The following KPNA7 variants were observed in gnomAD, a reference collection of about 807,000 sequenced individuals.
KPNA7 encodes importin subunit alpha-8.
A neutral mutation model predicts 53.7 loss-of-function variants in KPNA7; 54 were observed. That is an observed-to-expected ratio of 1.01 (90% CI 0.81 to 1.26). The LOEUF (loss-of-function observed/expected upper bound fraction) is 1.26, where lower values mean the gene tolerates loss of function less well. Ranked by LOEUF, KPNA7 falls within the 50% of genes most tolerant of loss-of-function variation. The pLI is 0.00. For missense variants in KPNA7, 640 were observed against 644.5 expected, an observed-to-expected ratio of 0.99 and a Z score of 0.07; for synonymous variants, 276 against 259.3, an observed-to-expected ratio of 1.06 and a Z score of -0.62.
chr7:99,214,473 A>G (rs889860062), intron 1 of KPNA7, among the ~76,000 whole-genome samples: 4 of 147,330 alleles, frequency 2.7e-5, no homozygotes, highest in Non-Finnish European at 6.0e-5. Flanking sequence ...AACAAAAACA[A>G]AAAAACTAGC....
At chr7:99,163,369 A>G in the KPNA7 span, among the ~76,000 whole-genome samples, 3 of 53,324 alleles carry the variant, frequency 5.6e-5, no homozygotes, top group African/African-American at 1.4e-4. Context: ...GTATATATAT[A>G]TATATATATA....
At chr7:99,198,222 C>CAA (rs979659505) in intron 3 of KPNA7, among the ~76,000 whole-genome samples, 1 of 150,816 alleles carries the variant, frequency 6.6e-6, no homozygotes, top group African/African-American at 2.4e-5. Flanking sequence ...AACTCCATCT[C>CAA]AAAAAAAACA....
chr7:99,208,545 C>G (rs989185179), upstream of KPNA7, among the ~76,000 whole-genome samples: 1 of 150,608 alleles, frequency 6.6e-6, no homozygotes, highest in African/African-American at 2.4e-5. Flanking sequence ...CGTGAGCCAC[C>G]GTGCCCGGCC....
intron 3 of KPNA7, among the ~76,000 whole-genome samples, chr7:99,199,069 A>AAAAAG: frequency 8.0e-6 from 1 of 125,762 alleles, no homozygotes; most frequent in Non-Finnish European, 1.8e-5. Context: ...CAAACTGAAA[A>AAAAAG]AAAAAAAAAA....
chr7:99,207,613 C>CTT lies in KPNA7; in HGVS notation c.-23-126_-23-125dup, dbSNP rs754881370. 12 of 123,046 alleles carry CTT rather than the reference C, an allele frequency of 9.8e-5. 1 individual carries two copies. Among genetic ancestry groups the CTT allele is most frequent in the African/African-American group, 4.5e-4 (7 of 15,602 alleles). The allele number at this position is 123,046 out of a possible 1,614,324, so 7.6% of individuals were successfully genotyped here. ...GCAAAGGGCAGACCCAGGAAGCTAG[C>CTT]TTTTTTTTTTTTTTTTTTTTTTTTT... On this transcript the variant is annotated intron_variant, in intron 1 of 10. Transcript: ENST00000327442.
Position 99,203,006 on chromosome 7 carries a change from C to T in KPNA7, c.201+100G>A, listed in dbSNP as rs1011965132. ...CACTCCTTTCTTTAAAAGCCCAAAA[C>T]GAGAGTTTGCAAGTTCTGAATCTAT... On this transcript the variant is annotated intron_variant, in intron 3 of 10. Transcript: ENST00000327442. 139 of 1,407,620 alleles carry T rather than the reference C, an allele frequency of 9.9e-5. 1 individual carries two copies. In the South Asian group the frequency reaches 1.6e-3, roughly 16 times the overall value. The allele number at this position is 1,407,620 out of a possible 1,614,324, so 87.2% of individuals were successfully genotyped here.
chr7:99,183,284 G>T (rs745805556), intron 8 of KPNA7, among the ~76,000 whole-genome samples: 2 of 151,910 alleles, frequency 1.3e-5, no homozygotes, highest in Non-Finnish European at 2.9e-5. Flanking sequence ...ATAAACCTTT[G>T]CATTTATAAA....
chr7:99,172,970 G>GA (rs1315228551), downstream of KPNA7, among the ~76,000 whole-genome samples: 1 of 135,132 alleles, frequency 7.4e-6, no homozygotes. Flanking sequence ...GGAGAGGCAG[G>GA]AAAATCACTG....
chr7:99,217,336 T>C (rs535103009), intron 1 of KPNA7, among the ~76,000 whole-genome samples: 1 of 152,322 alleles, frequency 6.6e-6, no homozygotes, highest in South Asian at 2.1e-4. Context: ...TCATTTGATA[T>C]CTGTATGTTC....
intron 7 of KPNA7, among the ~76,000 whole-genome samples, chr7:99,186,417 A>G (rs1366622367): frequency 6.6e-6 from 1 of 152,166 alleles, no homozygotes; most frequent in Non-Finnish European, 1.5e-5. Flanking sequence ...ACTTCAGGCC[A>G]GTCATGGCCT....
chr7:99,181,055 GTC>G (rs1799223428), intron 9 of KPNA7, among the ~76,000 whole-genome samples: 1 of 13,418 alleles, frequency 7.5e-5, no homozygotes, highest in African/African-American at 2.8e-4. Context: ...CTCTCTCTCC[GTC>G]TGTGTCTCTC....
chr7:99,194,252 G>A (rs562832032), intron 5 of KPNA7, among the ~76,000 whole-genome samples: 1 of 152,304 alleles, frequency 6.6e-6, no homozygotes, highest in African/African-American at 2.4e-5. Context: ...AGACCATGCA[G>A]GAAAGAGCAT....
chr7:99,182,137 C>T, intron 8 of KPNA7, 72 bp from the exon 9 acceptor site: 1 of 1,221,250 alleles, frequency 8.2e-7, no homozygotes, highest in Non-Finnish European at 1.1e-6. Context: ...ACTTGGTTCA[C>T]TTTCTAGGGA....
At chr7:99,186,847 T>C (rs573287287) in intron 7 of KPNA7, among the ~76,000 whole-genome samples, 1 of 152,288 alleles carries the variant, frequency 6.6e-6, no homozygotes, top group South Asian at 2.1e-4. Context: ...CCTATGCTAA[T>C]CTCAAAATAG....
At chr7:99,177,888 T>A in intron 10 of KPNA7, 32 bp downstream of exon 10, 1 of 1,549,602 alleles carries the variant, frequency 6.5e-7, no homozygotes. Context: ...CCAAGACCCC[T>A]GGATACTCCT....
Position 99,203,218 on chromosome 7 carries a change from G to A in KPNA7, c.89C>T (p.Ala30Val), listed in dbSNP as rs529713562. 1.3e-4 allele frequency: 200 copies of A among 1,551,496 alleles called. 4 individuals carry two copies. The South Asian group carries it at 1.6e-3, about 13-fold the overall frequency. The change falls in exon 3 of 11, where the codon GCG (alanine) becomes GTG (valine). Residue 30 changes from alanine to valine, a missense_variant. By Grantham distance (64) the Ala-to-Val change is moderately conservative. Coordinates refer to ENST00000327442, the MANE Select transcript of KPNA7 (RefSeq NM_001145715.3). ...GGCCTTTCGGAGCTCCAGACTGACC[G>A]CCATCCTCTGCTGTCGCCTCAGCTA... ...DVSLRRQQRM[A>V]VSLELRKAKK... is the part of the protein sequence containing the mutation.
chr7:99,193,649 T>C (rs546836055), intron 5 of KPNA7, among the ~76,000 whole-genome samples: 68 of 151,908 alleles, frequency 4.5e-4, no homozygotes, highest in Non-Finnish European at 8.5e-4. Flanking sequence ...TAATAGGCAC[T>C]TTTTCCTCCT....
intron 3 of KPNA7, among the ~76,000 whole-genome samples, chr7:99,199,449 C>T (rs142643574): frequency 9.2e-5 from 14 of 152,252 alleles, no homozygotes; most frequent in South Asian, 2.1e-4. Flanking sequence ...CTCACATTCA[C>T]GGTCAATTGA....
At chr7:99,166,407 C>G in the KPNA7 span, among the ~76,000 whole-genome samples, 1 of 152,122 alleles carries the variant, frequency 6.6e-6, no homozygotes, top group Admixed American at 6.6e-5. Context: ...CCCTGCCCCC[C>G]ACGTTCAAGT....
Sources: allele counts gnomAD v4.1 joint callset (sites outside exome capture counted in the v4.1 genomes callset), GRCh38; gene constraint gnomAD v4.1.1; transcripts MANE v1.5; gene names NCBI Gene and HGNC (gene_info 2026-07-23, HGNC 2026-07-21).